SLC9A7: variants seen among roughly 807,000 people sequenced by gnomAD.
SLC9A7 encodes the protein sodium/hydrogen exchanger 7.
A neutral mutation model predicts 52.6 loss-of-function variants in SLC9A7; 19 were observed. The ratio of observed to expected loss-of-function variants is 0.36; its 90% CI spans 0.25 to 0.53. SLC9A7 has a LOEUF of 0.53. Ranked by LOEUF, SLC9A7 falls within the 20% of genes least tolerant of loss-of-function variation. SLC9A7 has a pLI of 0.91. For missense variants in SLC9A7, 455 were observed against 597.9 expected, an observed-to-expected ratio of 0.76 and a Z score of 2.49; for synonymous variants, 226 against 252.1, an observed-to-expected ratio of 0.90 and a Z score of 0.98.
At chrX:46,632,989 A>AT (rs1226174545) in intron 13 of SLC9A7, among the ~76,000 whole-genome samples, 15 of 105,597 alleles carry the variant, frequency 1.4e-4, no homozygotes, top group Admixed American at 1.0e-4. Context: ...GCATCTGGCA[A>AT]TTTTTTTTTT....
At chrX:46,746,312 G>C (rs1921766891) in intron 1 of SLC9A7, among the ~76,000 whole-genome samples, 1 of 111,032 alleles carries the variant, frequency 9.0e-6, no homozygotes, top group African/African-American at 3.3e-5. Flanking sequence ...CTGGGCGACA[G>C]AGCGAGACAC....
intron 16 of SLC9A7, among the ~76,000 whole-genome samples, chrX:46,610,895 T>C (rs1236657779): frequency 8.9e-6 from 1 of 112,655 alleles, no homozygotes; most frequent in East Asian, 2.8e-4. Flanking sequence ...AAAGTTTTAA[T>C]AGTGGATTTG....
At chrX:46,700,543 C>T (rs1199322143) in intron 1 of SLC9A7, among the ~76,000 whole-genome samples, 2 of 112,285 alleles carry the variant, frequency 1.8e-5, no homozygotes, top group Middle Eastern at 4.6e-3. Flanking sequence ...TCCATTCTCT[C>T]CTCCGTAACT....
intron 14 of SLC9A7, among the ~76,000 whole-genome samples, chrX:46,625,578 C>T: frequency 9.1e-6 from 1 of 110,424 alleles, no homozygotes; most frequent in East Asian, 2.8e-4. Flanking sequence ...GGTGTGGTGG[C>T]ACACACCTGT....
At chrX:46,646,173 T>G (rs763389082) in intron 11 of SLC9A7, among the ~76,000 whole-genome samples, 4 of 110,723 alleles carry the variant, frequency 3.6e-5, no homozygotes, top group Non-Finnish European at 5.7e-5. Context: ...GGTAGTAGCC[T>G]GACTACAGAA....
intron 7 of SLC9A7, among the ~76,000 whole-genome samples, chrX:46,659,596 C>G (rs1232025327): frequency 2.3e-5 from 1 of 42,799 alleles, no homozygotes; most frequent in Non-Finnish European, 3.9e-5. Context: ...AACAGAGAGC[C>G]AAATCATGAG....
chrX:46,645,886 T>G (rs1943483736), intron 11 of SLC9A7, among the ~76,000 whole-genome samples: 1 of 111,064 alleles, frequency 9.0e-6, no homozygotes, highest in Non-Finnish European at 1.9e-5. Context: ...GCCATATTGG[T>G]ATAAGGAATG....
chrX:46,694,812 CA>C (rs1209207294), intron 1 of SLC9A7, among the ~76,000 whole-genome samples: 1 of 111,623 alleles, frequency 9.0e-6, no homozygotes, highest in Admixed American at 9.5e-5. Flanking sequence ...TTCATAACAG[CA>C]AAAAAATGAA....
intron 1 of SLC9A7, among the ~76,000 whole-genome samples, chrX:46,703,769 G>A (rs1426490047): frequency 9.0e-6 from 1 of 111,711 alleles, no homozygotes; most frequent in African/African-American, 3.3e-5. Context: ...TGCATTAGGT[G>A]GAAAAAAGCA....
At chrX:46,631,738 G>T in intron 13 of SLC9A7, 89 bp from the exon 14 acceptor site, 2 of 678,505 alleles carry the variant, frequency 2.9e-6, no homozygotes, top group Non-Finnish European at 4.7e-6. Flanking sequence ...GTAGCCTGGA[G>T]GCTAATCATC....
intron 14 of SLC9A7, among the ~76,000 whole-genome samples, chrX:46,627,015 A>G (rs1360518927): frequency 3.6e-5 from 4 of 111,804 alleles, no homozygotes; most frequent in Non-Finnish European, 7.5e-5. Flanking sequence ...GAGGGTAATA[A>G]TAGGGTTTAG....
chrX:46,678,412 T>TTTTATTTATTTATTTA (rs368646149), intron 3 of SLC9A7, among the ~76,000 whole-genome samples: 7,309 of 90,926 alleles, frequency 0.08, 293 homozygotes, highest in Non-Finnish European at 0.091. Flanking sequence ...TGGCATTTGT[T>TTTTATTTATTTATTTA]TTTATTTATT....
At chrX:46,680,630 A>T (rs1033300041) in intron 2 of SLC9A7, among the ~76,000 whole-genome samples, 5 of 111,979 alleles carry the variant, frequency 4.5e-5, no homozygotes, top group African/African-American at 1.6e-4. Context: ...ATACAGGGAA[A>T]TTAATCAAAT....
chrX:46,631,117 C>T (rs761887193), intron 14 of SLC9A7, among the ~76,000 whole-genome samples: 29 of 112,481 alleles, frequency 2.6e-4, no homozygotes, highest in Non-Finnish European at 3.9e-4. Flanking sequence ...AAAGGCAAGC[C>T]GTCCCTGCTA....
chrX:46,701,281 T>C (rs1208523837), intron 1 of SLC9A7, among the ~76,000 whole-genome samples: 1 of 111,942 alleles, frequency 8.9e-6, no homozygotes, highest in Non-Finnish European at 1.9e-5. Context: ...TAAGATGCTT[T>C]ATCCCCTTAA....
At chrX:46,738,099 GAAA>G (rs1921005997) in intron 1 of SLC9A7, among the ~76,000 whole-genome samples, 4 of 48,082 alleles carry the variant, frequency 8.3e-5, no homozygotes, top group African/African-American at 1.9e-4. Context: ...AAGAAAGAAA[GAAA>G]GAAAGAGAAA....
At chrX:46,743,604 T>C (rs1921527525) in intron 1 of SLC9A7, among the ~76,000 whole-genome samples, 1 of 111,804 alleles carries the variant, frequency 8.9e-6, no homozygotes, top group African/African-American at 3.3e-5. Flanking sequence ...CCACCCATTA[T>C]GTCTTTTTCT....
intron 1 of SLC9A7, among the ~76,000 whole-genome samples, chrX:46,711,899 TAC>T (rs57570264): frequency 0.092 from 8,406 of 90,950 alleles, 393 homozygotes; most frequent in Middle Eastern, 0.15. Context: ...GCCTCTAAAT[TAC>T]ACACACACAC....
chrX:46,678,182 A>G (rs116715940), intron 3 of SLC9A7, among the ~76,000 whole-genome samples: 7,808 of 110,324 alleles, frequency 0.071, 707 homozygotes, highest in African/African-American at 0.23. Flanking sequence ...TATCAGTTTC[A>G]GAGGCATTCT....
Sources: allele counts gnomAD v4.1 joint callset (sites outside exome capture counted in the v4.1 genomes callset), GRCh38; gene constraint gnomAD v4.1.1; transcripts MANE v1.5; gene names NCBI Gene and HGNC (gene_info 2026-07-23, HGNC 2026-07-21).